The following PITPNM2 variants were observed in gnomAD, a reference collection of about 807,000 sequenced individuals.
The protein encoded by PITPNM2 is phosphatidylinositol transfer protein membrane associated 2.
Under a neutral mutation model 132.2 loss-of-function variants are expected in PITPNM2, and 35 were observed. The ratio of observed to expected loss-of-function variants is 0.26; its 90% CI spans 0.20 to 0.35. The LOEUF is 0.35. Among genes scored for constraint, PITPNM2 ranks in the 10% least tolerant of loss-of-function variants. The pLI is 1.00. For synonymous variants in PITPNM2, 738 were observed against 799.2 expected (o/e 0.92, Z 1.29); for missense variants, 1,332 against 1,912.0 (o/e 0.70, Z 5.66).
In PITPNM2 at chr12:123,145,412, T is replaced by A. The variant is rs919849567; in HGVS notation, c.-200+5341A>T. ...CTCTTGGGTCCTGCTGCTGCTCTGA[T>A]AACACTCTGCCTTTTCCCTGGACCC... On this transcript the variant is annotated intron_variant, in intron 1 of 25. Coordinates refer to ENST00000320201, the MANE Select transcript of PITPNM2 (RefSeq NM_020845.3). Among the ~76,000 whole-genome samples, 4 of 152,144 alleles carry A rather than the reference T, an allele frequency of 2.6e-5. No homozygotes were observed. In the South Asian group the frequency reaches 8.3e-4, roughly 31 times the overall value.
chr12:123,042,676 C>T lies in PITPNM2; in HGVS notation c.-95-7991G>A, dbSNP rs191561071. Among the ~76,000 whole-genome samples the T allele has an allele frequency of 2.2e-4, 34 of 152,272 alleles. No individual in the cohort carries two copies. The East Asian group carries it at 4.8e-3, about 22-fold the overall frequency. On this transcript the variant is annotated intron_variant, in intron 2 of 25. Transcript: ENST00000320201. Reference sequence around the variant, plus strand: ...TAACCTCCTTCTGCCTCCCTTGAGTCCCTCTCCTCTTGCTCTAAGAGAGCT... The same window carrying T: ...TAACCTCCTTCTGCCTCCCTTGAGTTCCTCTCCTCTTGCTCTAAGAGAGCT...
intron 2 of PITPNM2, among the ~76,000 whole-genome samples, chr12:123,051,893 G>A (rs888894150): frequency 6.9e-5 from 10 of 144,046 alleles, no homozygotes; most frequent in African/African-American, 1.2e-4. Flanking sequence ...CATCTTTCTC[G>A]TTTTTCCATT....
chr12:123,017,661 A>G (rs1273529976), intron 3 of PITPNM2, among the ~76,000 whole-genome samples: 3 of 152,246 alleles, frequency 2.0e-5, no homozygotes, highest in African/African-American at 7.2e-5. Flanking sequence ...TATCCATACA[A>G]TAATAGAATA....
At chr12:122,988,935 C>T in intron 18 of PITPNM2, 63 bp from the exon 19 acceptor site, 1 of 1,465,402 alleles carries the variant, frequency 6.8e-7, no homozygotes, top group African/African-American at 1.4e-5. Flanking sequence ...CCCGAAGGGT[C>T]ACCCGGCCCC....
chr12:122,998,149 A>G (rs542620806), intron 10 of PITPNM2, among the ~76,000 whole-genome samples: 3 of 152,284 alleles, frequency 2.0e-5, no homozygotes, highest in Non-Finnish European at 4.4e-5. Context: ...CTCTCCCCCA[A>G]GTCATTCTCC....
intron 1 of PITPNM2, among the ~76,000 whole-genome samples, chr12:123,114,631 G>A (rs1279757549): frequency 6.6e-6 from 1 of 151,940 alleles, no homozygotes; most frequent in Non-Finnish European, 1.5e-5. Context: ...GAGGTAGGTA[G>A]GTTCTGAAAT....
Position 123,005,784 on chromosome 12 carries a change from C to T in PITPNM2, c.644-236G>A. ...CTATAATTAGAGTGGAGGGGCCTCC[C>T]AAAGCAATGTGTCCGGTCAGAAGCC... On this transcript the variant is annotated intron_variant, in intron 6 of 25. Transcript: ENST00000320201. This position sits in a 1 kb window ranked among gnomAD's most constrained non-coding sequence, Gnocchi z 6.2. 3 of 555,294 alleles carry T rather than the reference C, an allele frequency of 5.4e-6. No homozygotes were observed. The highest frequency in any genetic ancestry group is 9.6e-6 in the Non-Finnish European group (3 of 314,096). 34.4% of individuals were successfully genotyped at this position (555,294 alleles called of 1,614,324 possible).
chr12:123,128,028 G>C (rs567464523), intron 1 of PITPNM2, among the ~76,000 whole-genome samples: 1 of 152,130 alleles, frequency 6.6e-6, no homozygotes, highest in South Asian at 2.1e-4. Flanking sequence ...TAGAGCAACA[G>C]TGCTTCCTAG....
chr12:123,017,486 A>T (rs2039474517), intron 3 of PITPNM2, among the ~76,000 whole-genome samples: 1 of 152,270 alleles, frequency 6.6e-6, no homozygotes, highest in South Asian at 2.1e-4. Flanking sequence ...AGACTTGAAC[A>T]GATACTTGTA....
chr12:123,065,380 C>G (rs991838719), intron 2 of PITPNM2, among the ~76,000 whole-genome samples: 1 of 152,220 alleles, frequency 6.6e-6, no homozygotes, highest in Non-Finnish European at 1.5e-5. Context: ...GGACAGCGCA[C>G]AGGGCTCTGC....
At chr12:123,018,546 T>A (rs2039537859) in intron 3 of PITPNM2, among the ~76,000 whole-genome samples, 2 of 151,804 alleles carry the variant, frequency 1.3e-5, no homozygotes, top group Admixed American at 6.6e-5. Context: ...GTGATCCGCC[T>A]GCCTCGGCCT....
At chr12:123,109,980 C>T (rs951347084) in intron 2 of PITPNM2, among the ~76,000 whole-genome samples, 7 of 152,288 alleles carry the variant, frequency 4.6e-5, no homozygotes, top group African/African-American at 1.7e-4. Flanking sequence ...TTTTAAGAGA[C>T]GGGGTCTCAC....
chr12:123,096,564 G>C (rs1462541168), intron 2 of PITPNM2, among the ~76,000 whole-genome samples: 1 of 152,172 alleles, frequency 6.6e-6, no homozygotes, highest in Non-Finnish European at 1.5e-5. Context: ...AAAGGACATG[G>C]AGAAGGAAGA....
Position 122,995,523 on chromosome 12 carries a change from G to T in PITPNM2, c.1920C>A (p.His640Gln), listed in dbSNP as rs2038387476. 3 of 1,612,604 alleles carry T rather than the reference G, an allele frequency of 1.9e-6. No homozygotes were observed. The highest frequency in any genetic ancestry group is 2.5e-6 in the Non-Finnish European group (3 of 1,180,010). Residue 640 changes from histidine (H) to glutamine (Q), a missense_variant, in exon 14 of 26, where the codon CAC (histidine) becomes CAA (glutamine). Transcript: ENST00000320201. ...GGATGTCGACGTTGCTTCGGCTCAG[G>T]TGCCGACTGCTCTCCAGGCTGGAGC... is the stretch of plus-strand genomic sequence containing the variant. ...SGGSSLESSR[H>Q]LSRSNVDIPR...
At position 123,097,868 on chromosome 12, in the gene PITPNM2, C is replaced by T. The variant is rs533761039; in HGVS notation, c.-96+12517G>A. Among the ~76,000 whole-genome samples, 23 of 152,368 alleles carry T rather than the reference C, an allele frequency of 1.5e-4. No homozygotes were observed. The highest frequency in any genetic ancestry group is 6.8e-3 in the Middle Eastern group (2 of 294). ...GTATGAGGAACAGCTGGACAGAGCT[C>T]GGAAAGCGGCTGCAGCCAGATGGGA... On this transcript the variant is annotated intron_variant, in intron 2 of 25. Coordinates refer to ENST00000320201, the MANE Select transcript of PITPNM2 (RefSeq NM_020845.3). This position sits in a 1 kb window ranked among gnomAD's most constrained non-coding sequence, Gnocchi z 4.7.
intron 1 of PITPNM2, among the ~76,000 whole-genome samples, chr12:123,142,137 G>A (rs1052904071): frequency 6.6e-6 from 1 of 152,230 alleles, no homozygotes; most frequent in Non-Finnish European, 1.5e-5. Context: ...ACAATGCTCT[G>A]GTGAGTCACC....
chr12:123,112,011 A>G (rs2137344789), intron 1 of PITPNM2, among the ~76,000 whole-genome samples: 2 of 152,192 alleles, frequency 1.3e-5, no homozygotes, highest in East Asian at 3.9e-4. Flanking sequence ...CCAGCCCACC[A>G]CAATGCTTCT....
In PITPNM2 at chr12:122,993,931, T is replaced by C. The variant is rs1351974160; in HGVS notation, c.2233+870A>G. ...TTTTGTTGCCCAGGCTGGAGTGCAA[T>C]GGCACAATCTTGGCTCACCGCAACC... is the stretch of plus-strand genomic sequence containing the variant. On this transcript the variant is annotated intron_variant, in intron 15 of 25. Transcript: ENST00000320201. This position sits in a 1 kb window ranked among gnomAD's most constrained non-coding sequence, Gnocchi z 5.2. Among the ~76,000 whole-genome samples the C allele has an allele frequency of 6.6e-6, 1 of 152,022 alleles. No individual in the cohort carries two copies. The highest frequency in any genetic ancestry group is 1.5e-5 in the Non-Finnish European group (1 of 67,996).
rs1345421790 is a variant in PITPNM2, at chr12:123,106,798, C to T, written c.-96+3587G>A. 6.6e-6 allele frequency among the ~76,000 whole-genome samples: 1 copy of T among 152,228 alleles called. No homozygotes were observed. The highest frequency in any genetic ancestry group is 1.5e-5 in the Non-Finnish European group (1 of 68,038). On this transcript the variant is annotated intron_variant, in intron 2 of 25. Coordinates refer to ENST00000320201, the MANE Select transcript of PITPNM2 (RefSeq NM_020845.3). The surrounding 1 kb of genome is among the most constrained non-coding windows in gnomAD (Gnocchi z 4.4). ...GGGCATGAGGGCACTCAGCCCTCTA[C>T]TTCCTCTCCATAACCTCCCCATGCT...
Sources: allele counts gnomAD v4.1 joint callset (sites outside exome capture counted in the v4.1 genomes callset), GRCh38; gene constraint gnomAD v4.1.1; non-coding constraint Gnocchi (gnomAD v3.1); transcripts MANE v1.5; gene names NCBI Gene and HGNC (gene_info 2026-07-23, HGNC 2026-07-21).